PTPRN2: variants seen among roughly 807,000 people sequenced by gnomAD.
The protein encoded by PTPRN2 is protein tyrosine phosphatase receptor type N2.
PTPRN2 carries 74 observed loss-of-function variants against 118.8 expected under a neutral mutation model. The observed-to-expected ratio is 0.62, with a 90% CI of 0.52 to 0.76. The LOEUF is 0.76. PTPRN2 is among the 30% of genes least tolerant of loss of function. The pLI, the probability that PTPRN2 is intolerant of heterozygous loss-of-function variation, is 0.00. For synonymous variants in PTPRN2, 641 were observed against 608.0 expected (o/e 1.05, Z -0.80); for missense variants, 1,481 against 1,394.4 (o/e 1.06, Z -0.99).
At chr7:158,197,562 G>A (rs1433863550) in intron 4 of PTPRN2, among the ~76,000 whole-genome samples, 20 of 152,012 alleles carry the variant, frequency 1.3e-4, no homozygotes, top group Non-Finnish European at 8.8e-5. Flanking sequence ...GTGCCTTTTT[G>A]TATTACTTTG....
intron 2 of PTPRN2, among the ~76,000 whole-genome samples, chr7:158,374,934 C>T (rs951918481): frequency 2.0e-5 from 3 of 152,212 alleles, no homozygotes; most frequent in African/African-American, 7.2e-5. Flanking sequence ...CTATATGTAA[C>T]ATTTAACTGG....
At position 157,895,054 on chromosome 7, in the gene PTPRN2, C is replaced by CG. The variant is rs1034761642; in HGVS notation, c.1788+3618_1788+3619insC. ...ATCAACCACAAAAGAGGACCCCTCC[C>CG]CCACAGGAGGGGGTCAGCAGATGTG... is the stretch of plus-strand genomic sequence containing the variant. On this transcript the variant is annotated intron_variant, in intron 12 of 22. Coordinates refer to ENST00000389418, the MANE Select transcript of PTPRN2 (RefSeq NM_002847.5). 3.3e-5 allele frequency among the ~76,000 whole-genome samples: 5 copies of CG among 151,876 alleles called. 1 individual carries two copies. Among genetic ancestry groups the CG allele is most frequent in the Admixed American group, 2.0e-4 (3 of 15,162 alleles).
intron 18 of PTPRN2, 133 bp downstream of exon 18, chr7:157,577,888 C>G: frequency 8.0e-7 from 1 of 1,242,492 alleles, no homozygotes. Flanking sequence ...GCCTCCATCC[C>G]CTGAACATGG....
intron 11 of PTPRN2, among the ~76,000 whole-genome samples, chr7:158,038,291 C>T (rs1308549177): frequency 6.6e-6 from 1 of 152,152 alleles, no homozygotes; most frequent in Non-Finnish European, 1.5e-5. Context: ...AAGACATACA[C>T]TGCAGGAGAA....
chr7:157,607,855 G>A (rs1802097193), intron 15 of PTPRN2, among the ~76,000 whole-genome samples: 1 of 152,108 alleles, frequency 6.6e-6, no homozygotes, highest in African/African-American at 2.4e-5. Flanking sequence ...GATGGCAGAG[G>A]GGGAATCTGC....
At chr7:157,700,536 C>T (rs554565278) in intron 12 of PTPRN2, among the ~76,000 whole-genome samples, 2 of 152,312 alleles carry the variant, frequency 1.3e-5, no homozygotes, top group African/African-American at 4.8e-5. Context: ...CGGGTCATCC[C>T]TTATCTGACC....
intron 3 of PTPRN2, among the ~76,000 whole-genome samples, chr7:158,259,443 C>T (rs1328433841): frequency 6.6e-6 from 1 of 152,214 alleles, no homozygotes; most frequent in Non-Finnish European, 1.5e-5. Flanking sequence ...TCACAGACAC[C>T]CCTCAGAGCC....
intron 7 of PTPRN2, 24 bp downstream of exon 7, chr7:158,138,270 G>C: frequency 6.3e-7 from 1 of 1,599,318 alleles, no homozygotes; most frequent in Non-Finnish European, 8.5e-7. Flanking sequence ...CCCTGGGTGT[G>C]GGCACCCATG....
At chr7:158,150,834 C>G (rs1201486306) in intron 6 of PTPRN2, among the ~76,000 whole-genome samples, 1 of 152,044 alleles carries the variant, frequency 6.6e-6, no homozygotes, top group Non-Finnish European at 1.5e-5. Context: ...GATGGTTGCA[C>G]CCCAGCCACT....
At chr7:158,336,819 A>G (rs28519671) in intron 2 of PTPRN2, among the ~76,000 whole-genome samples, 87,641 of 94,030 alleles carry the variant, frequency 0.93, 42,055 homozygotes, top group African/African-American at 0.95. Context: ...CACCATAAGA[A>G]GTGACACCTG....
At chr7:158,335,496 G>A (rs1174823630) in intron 2 of PTPRN2, among the ~76,000 whole-genome samples, 1 of 51,048 alleles carries the variant, frequency 2.0e-5, no homozygotes, top group South Asian at 1.1e-3. Flanking sequence ...GCCTGCAGAC[G>A]TCACTCACAC....
intron 2 of PTPRN2, among the ~76,000 whole-genome samples, chr7:158,340,932 C>A (rs1473889252): frequency 1.2e-5 from 1 of 86,286 alleles, no homozygotes; most frequent in Non-Finnish European, 2.5e-5. Flanking sequence ...ACGTCAATCA[C>A]ACTCACACTC....
chr7:158,270,852 GC>G (rs869200710), intron 3 of PTPRN2, among the ~76,000 whole-genome samples: 1,370 of 8,022 alleles, frequency 0.17, 135 homozygotes, highest in African/African-American at 0.28. Context: ...CACCTGGACC[GC>G]CCCCCCACCT....
rs1827945310 is a variant in PTPRN2 at position 158,570,336 on chromosome 7, C to T, written c.112+17222G>A. Among the ~76,000 whole-genome samples the T allele has an allele frequency of 3.9e-5, 6 of 152,328 alleles. No individual in the cohort carries two copies. In the South Asian group the frequency reaches 1.0e-3, roughly 26 times the overall value. ...CCACACTCCACCGCGCTCTGCCAAC[C>T]GGGACAAGGTGTTTTGCTGAATAAA... On this transcript the variant is annotated intron_variant, in intron 1 of 22. Transcript: ENST00000389418. The surrounding 1 kb of genome is among the most constrained non-coding windows in gnomAD (Gnocchi z 4.5).
chr7:158,512,613 C>T (rs1457945892), intron 1 of PTPRN2, among the ~76,000 whole-genome samples: 2 of 152,162 alleles, frequency 1.3e-5, no homozygotes, highest in African/African-American at 4.8e-5. Context: ...GTCCTACAGG[C>T]AAGGACATCC....
Position 157,785,241 on chromosome 7 carries a change from C to T in PTPRN2, c.1789-102304G>A, listed in dbSNP as rs1803955113. ...ACACGCCCCGCCCCACAGGCTTGCA[C>T]CGGGGTGCGGCCTGCCCTGTCTGGG... On this transcript the variant is annotated intron_variant, in intron 12 of 22. Coordinates refer to ENST00000389418, the MANE Select transcript of PTPRN2 (RefSeq NM_002847.5). This position sits in a 1 kb window ranked among gnomAD's most constrained non-coding sequence, Gnocchi z 7.3. 2.0e-5 allele frequency among the ~76,000 whole-genome samples: 3 copies of T among 152,052 alleles called. No individual in the cohort carries two copies. Among genetic ancestry groups the T allele is most frequent in the Non-Finnish European group, 4.4e-5 (3 of 68,020 alleles).
At chr7:158,394,258 A>T (rs1378016917) in intron 2 of PTPRN2, among the ~76,000 whole-genome samples, 1 of 149,464 alleles carries the variant, frequency 6.7e-6, no homozygotes, top group Admixed American at 6.6e-5. Flanking sequence ...CACTGGCCCC[A>T]CTCTGTCCCC....
intron 11 of PTPRN2, among the ~76,000 whole-genome samples, chr7:158,053,797 C>T (rs546363839): frequency 1.3e-5 from 2 of 149,534 alleles, no homozygotes; most frequent in African/African-American, 5.0e-5. Flanking sequence ...TCCAGAGACG[C>T]AGAGACTCCA....
At position 158,570,358 on chromosome 7, in the gene PTPRN2, T is replaced by G. The variant is rs1463268162; in HGVS notation, c.112+17200A>C. On this transcript the variant is annotated intron_variant, in intron 1 of 22. Transcript: ENST00000389418. This position sits in a 1 kb window ranked among gnomAD's most constrained non-coding sequence, Gnocchi z 4.5. ...AACCGGGACAAGGTGTTTTGCTGAA[T>G]AAATAAATTAATACATAATAAAGGC... 6.6e-6 allele frequency among the ~76,000 whole-genome samples: 1 copy of G among 152,110 alleles called. No individual in the cohort carries two copies. Among genetic ancestry groups the G allele is most frequent in the Non-Finnish European group, 1.5e-5 (1 of 67,988 alleles).
Sources: gnomAD v4.1 joint callset for allele counts (sites outside exome capture counted in the v4.1 genomes callset) on GRCh38, gnomAD v4.1.1 for gene constraint, Gnocchi (gnomAD v3.1) non-coding constraint, MANE v1.5 for transcripts, NCBI Gene and HGNC (gene_info 2026-07-23, HGNC 2026-07-21) for gene names.